Variants in PTPRT observed in about 807,000 individuals in gnomAD.
PTPRT encodes protein tyrosine phosphatase receptor type T.
A neutral mutation model predicts 176.8 loss-of-function variants in PTPRT; 56 were observed. That is an observed-to-expected ratio of 0.32 (90% CI 0.26 to 0.40). PTPRT has a LOEUF of 0.40. PTPRT is among the 10% of genes least tolerant of loss of function. PTPRT has a pLI of 1.00. For missense variants in PTPRT, 1,540 were observed against 1,908.2 expected (o/e 0.81, Z 3.60); for synonymous variants, 783 against 739.0 (o/e 1.06, Z -0.96).
chr20:42,219,710 G>C (rs952447691), intron 15 of PTPRT, among the ~76,000 whole-genome samples: 2 of 152,154 alleles, frequency 1.3e-5, no homozygotes, highest in Admixed American at 1.3e-4. Context: ...AAGACCAGAG[G>C]GTGTGAAAGA....
At chr20:42,626,532 C>T (rs1162502277) in intron 7 of PTPRT, among the ~76,000 whole-genome samples, 1 of 152,170 alleles carries the variant, frequency 6.6e-6, no homozygotes, top group Admixed American at 6.5e-5. Context: ...ATGCAGCAAG[C>T]TACCCTCCTT....
chr20:42,569,663 G>A (rs2073120493), intron 7 of PTPRT, among the ~76,000 whole-genome samples: 1 of 152,072 alleles, frequency 6.6e-6, no homozygotes, highest in Admixed American at 6.5e-5. Context: ...ATGAGAATGG[G>A]TTCCATTCAG....
intron 6 of PTPRT, among the ~76,000 whole-genome samples, chr20:42,751,681 G>A (rs112573745): frequency 0.017 from 2,581 of 152,194 alleles, 41 homozygotes; most frequent in African/African-American, 0.026. Context: ...TCCTGCCTTC[G>A]TCTTCCTCCT....
intron 14 of PTPRT, among the ~76,000 whole-genome samples, chr20:42,238,684 C>A (rs917492664): frequency 1.3e-5 from 2 of 152,192 alleles, no homozygotes; most frequent in East Asian, 3.9e-4. Flanking sequence ...CTTTCAATTG[C>A]TCATTGTGAC....
intron 15 of PTPRT, among the ~76,000 whole-genome samples, chr20:42,204,156 A>G (rs1481498650): frequency 6.6e-6 from 1 of 152,222 alleles, no homozygotes; most frequent in Non-Finnish European, 1.5e-5. Context: ...GGTGACCTGG[A>G]ATATTCGTAA....
intron 7 of PTPRT, among the ~76,000 whole-genome samples, chr20:42,559,149 A>G (rs946099965): frequency 1.3e-4 from 20 of 152,164 alleles, no homozygotes; most frequent in African/African-American, 4.8e-4. Flanking sequence ...AGAGGCTTAA[A>G]TCTATATAAA....
intron 6 of PTPRT, among the ~76,000 whole-genome samples, chr20:42,749,468 G>C (rs1056730988): frequency 1.3e-5 from 2 of 152,180 alleles, no homozygotes; most frequent in Admixed American, 1.3e-4. Context: ...CTACCATACT[G>C]GATTTTGCAA....
intron 7 of PTPRT, among the ~76,000 whole-genome samples, chr20:42,567,958 GTTTGCTTTTT>G (rs1311173239): frequency 6.6e-6 from 1 of 150,688 alleles, no homozygotes; most frequent in African/African-American, 2.4e-5. Context: ...ATAGGTGTGG[GTTTGCTTTTT>G]TTTGCTTTTT....
chr20:43,090,657 G>GA (rs1392268763), intron 1 of PTPRT, among the ~76,000 whole-genome samples: 2 of 151,624 alleles, frequency 1.3e-5, no homozygotes, highest in Admixed American at 6.6e-5. Context: ...AACGCCAAAG[G>GA]AAAAAATATC....
chr20:42,105,440 C>T (rs554856194), intron 24 of PTPRT, among the ~76,000 whole-genome samples: 1 of 152,290 alleles, frequency 6.6e-6, no homozygotes, highest in African/African-American at 2.4e-5. Flanking sequence ...CCTGAAACTC[C>T]ACTCCCTCTT....
chr20:42,827,113 G>A (rs568761394), intron 2 of PTPRT, among the ~76,000 whole-genome samples: 30 of 152,192 alleles, frequency 2.0e-4, no homozygotes, highest in African/African-American at 7.2e-4. Flanking sequence ...ATAATAGTGG[G>A]AGACTCCCCA....
chr20:42,505,184 C>T (rs918939896), intron 7 of PTPRT, among the ~76,000 whole-genome samples: 5 of 152,060 alleles, frequency 3.3e-5, no homozygotes, highest in Non-Finnish European at 7.4e-5. Flanking sequence ...CGTAAATATG[C>T]CTGGTAGCAT....
intron 1 of PTPRT, among the ~76,000 whole-genome samples, chr20:42,948,995 AC>A (rs35427880): frequency 1.3e-5 from 2 of 151,694 alleles, no homozygotes; most frequent in African/African-American, 4.8e-5. Flanking sequence ...TACACAACCA[AC>A]CCCCCATGTT....
chr20:42,486,529 C>A (rs2071467037), intron 7 of PTPRT, among the ~76,000 whole-genome samples: 2 of 152,114 alleles, frequency 1.3e-5, no homozygotes, highest in African/African-American at 2.4e-5. Context: ...TTATACATAC[C>A]TCCTACATTT....
At chr20:42,156,497 A>C (rs376976243) in intron 17 of PTPRT, among the ~76,000 whole-genome samples, 2 of 152,206 alleles carry the variant, frequency 1.3e-5, no homozygotes, top group Non-Finnish European at 2.9e-5. Flanking sequence ...CTTTCTCTCC[A>C]GCCCAGGCTT....
intron 15 of PTPRT, among the ~76,000 whole-genome samples, chr20:42,204,973 TC>T (rs2055417233): frequency 7.7e-6 from 1 of 130,120 alleles, no homozygotes; most frequent in Non-Finnish European, 1.7e-5. Context: ...CGAAGGAATT[TC>T]TTTTTTTTTT....
chr20:42,415,514 G>A (rs1388178169), intron 9 of PTPRT, among the ~76,000 whole-genome samples: 2 of 152,108 alleles, frequency 1.3e-5, no homozygotes, highest in East Asian at 1.9e-4. Context: ...GTCTAGCCCA[G>A]TTGCTCTGCC....
In PTPRT at chr20:42,143,432, C is replaced by T. The variant is rs190207727; in HGVS notation, c.2683-1430G>A. Among the ~76,000 whole-genome samples the T allele has an allele frequency of 9.2e-5, 14 of 152,170 alleles. No individual in the cohort carries two copies. The East Asian group carries it at 2.7e-3, about 30-fold the overall frequency. On this transcript the variant is annotated intron_variant, in intron 17 of 30. Coordinates refer to ENST00000373187, the MANE Select transcript of PTPRT (RefSeq NM_007050.6). The stretch of plus-strand genomic sequence containing the variant: ...ATTAGCCGGGCATGGTGGCAGGTGC[C>T]TGTAGTCCTAGCTACTTGGGAGGCT...
At chr20:42,310,059 G>GAA (rs1166071383) in intron 12 of PTPRT, among the ~76,000 whole-genome samples, 2 of 152,164 alleles carry the variant, frequency 1.3e-5, no homozygotes. Flanking sequence ...TGCAAACAGT[G>GAA]AAGAAAAGAC....
Sources: gnomAD v4.1 joint callset for allele counts (sites outside exome capture counted in the v4.1 genomes callset) on GRCh38, gnomAD v4.1.1 for gene constraint, MANE v1.5 for transcripts, NCBI Gene and HGNC (gene_info 2026-07-23, HGNC 2026-07-21) for gene names.